The following GNG7 variants were observed in gnomAD, a reference collection of about 807,000 sequenced individuals.
GNG7 encodes the protein G protein subunit gamma 7, also known as guanine nucleotide-binding protein G(I)/G(S)/G(O) subunit gamma-7.
Under a neutral mutation model 4.0 loss-of-function variants are expected in GNG7, and 1 was observed. The ratio of observed to expected loss-of-function variants is 0.25; its 90% CI spans 0.09 to 1.18. The LOEUF (loss-of-function observed/expected upper bound fraction) is 1.18. Ranked by LOEUF, GNG7 falls within the 50% of genes most tolerant of loss-of-function variation. The pLI is 0.50. For synonymous variants in GNG7, 34 were observed against 36.9 expected, an observed-to-expected ratio of 0.92 and a Z score of 0.29; for missense variants, 86 against 91.9, an observed-to-expected ratio of 0.94 and a Z score of 0.26.
chr19:2,601,455 G>A (rs778933735), intron 2 of GNG7, among the ~76,000 whole-genome samples: 4 of 152,134 alleles, frequency 2.6e-5, no homozygotes, highest in Middle Eastern at 3.2e-3. Flanking sequence ...TGCAATATAC[G>A]TGTCTGTCTC....
Position 2,616,348 on chromosome 19 carries a change from G to A in GNG7, c.-78+29876C>T, listed in dbSNP as rs527680160. The stretch of plus-strand genomic sequence containing the variant: ...CAACCTCTGCCTCCCGTGTTCCAGC[G>A]ATTCTCCTGCCTCAGCCTCCCGAGT... On this transcript the variant is annotated intron_variant, in intron 2 of 4. Coordinates refer to ENST00000382159, the MANE Select transcript of GNG7 (RefSeq NM_052847.3). 5.6e-3 allele frequency among the ~76,000 whole-genome samples: 852 copies of A among 152,112 alleles called. 6 individuals carry two copies. Among genetic ancestry groups the A allele is most frequent in the Non-Finnish European group, 9.2e-3 (623 of 67,982 alleles).
At chr19:2,675,253 C>G (rs965569352) in intron 1 of GNG7, among the ~76,000 whole-genome samples, 4 of 152,228 alleles carry the variant, frequency 2.6e-5, no homozygotes, top group African/African-American at 7.2e-5. Context: ...AGGTCTCTCT[C>G]TGCAACGGTG....
chr19:2,564,152 C>A (rs79300980), intron 2 of GNG7, among the ~76,000 whole-genome samples: 4 of 152,138 alleles, frequency 2.6e-5, no homozygotes, highest in Non-Finnish European at 5.9e-5. Context: ...AAGCTCACGT[C>A]CTCCTGGAAG....
In GNG7 at chr19:2,609,522, G is replaced by A. The variant is rs1568261789; in HGVS notation, c.-78+36702C>T. Among the ~76,000 whole-genome samples, 1 of 152,094 alleles carries A rather than the reference G, an allele frequency of 6.6e-6. No homozygotes were observed. The highest frequency in any genetic ancestry group is 1.5e-5 in the Non-Finnish European group (1 of 68,028). On this transcript the variant is annotated intron_variant, in intron 2 of 4. Transcript: ENST00000382159. The surrounding 1 kb of genome is among the most constrained non-coding windows in gnomAD (Gnocchi z 4.4). ...GAGGACCTCAGGCTCTCTTCCGTGAGCCTTATTTTGGCCATTGCTGGAATC... is the reference window on the plus strand; with the variant it reads ...GAGGACCTCAGGCTCTCTTCCGTGAACCTTATTTTGGCCATTGCTGGAATC...
At position 2,639,052 on chromosome 19, in the gene GNG7, C is replaced by A. The variant is rs1304711948; in HGVS notation, c.-78+7172G>T. 3.9e-5 allele frequency among the ~76,000 whole-genome samples: 6 copies of A among 152,062 alleles called. No homozygotes were observed. The South Asian group carries it at 8.3e-4, about 21-fold the overall frequency. The stretch of plus-strand genomic sequence containing the variant: ...AGGGGTTCGACACCAGCCTGGCCAA[C>A]ATGGTGAAACCCCATCTCTACTAAA... On this transcript the variant is annotated intron_variant, in intron 2 of 4. Transcript: ENST00000382159.
chr19:2,616,880 T>A (rs1981738286), intron 2 of GNG7, among the ~76,000 whole-genome samples: 1 of 151,874 alleles, frequency 6.6e-6, no homozygotes, highest in African/African-American at 2.4e-5. Flanking sequence ...GGGGCCCGGG[T>A]TCTGCCCGCC....
intron 2 of GNG7, among the ~76,000 whole-genome samples, chr19:2,581,081 G>T (rs906940312): frequency 3.3e-5 from 5 of 152,042 alleles, no homozygotes; most frequent in African/African-American, 1.2e-4. Context: ...TGGTTGTTGA[G>T]GCAGAGACTG....
At chr19:2,565,773 C>G (rs1443443696) in intron 2 of GNG7, among the ~76,000 whole-genome samples, 1 of 152,168 alleles carries the variant, frequency 6.6e-6, no homozygotes, top group East Asian at 1.9e-4. Flanking sequence ...GCTGTGTGAG[C>G]CCGGCCGAGT....
intron 3 of GNG7, among the ~76,000 whole-genome samples, chr19:2,544,074 G>A (rs1316558662): frequency 1.3e-5 from 2 of 152,172 alleles, no homozygotes; most frequent in African/African-American, 2.4e-5. Flanking sequence ...AGATTTGGCA[G>A]GAGGGGAGAC....
intron 3 of GNG7, among the ~76,000 whole-genome samples, chr19:2,527,689 TG>T (rs997532743): frequency 3.3e-5 from 5 of 152,170 alleles, no homozygotes; most frequent in Non-Finnish European, 7.3e-5. Context: ...TCCCTCTGGC[TG>T]GATCCTTTTC....
rs535472208 is a variant in GNG7 at position 2,596,697 on chromosome 19, C to T, written c.-77-41509G>A. Among the ~76,000 whole-genome samples the T allele has an allele frequency of 6.8e-5, 10 of 146,912 alleles. No homozygotes were observed. The South Asian group carries it at 1.1e-3, about 16-fold the overall frequency. On this transcript the variant is annotated intron_variant, in intron 2 of 4. Transcript: ENST00000382159. ...CCCAAAAAAAAAAGTGGGCAAATATCGACCCAGTTGTTCTCCTTTCACGTT... is the reference window on the plus strand; with the variant it reads ...CCCAAAAAAAAAAGTGGGCAAATATTGACCCAGTTGTTCTCCTTTCACGTT...
intron 3 of GNG7, among the ~76,000 whole-genome samples, chr19:2,551,144 G>T (rs545628900): frequency 6.6e-6 from 1 of 152,344 alleles, no homozygotes; most frequent in African/African-American, 2.4e-5. Context: ...GCTGCCATCA[G>T]CCAGCACTTG....
intron 1 of GNG7, among the ~76,000 whole-genome samples, chr19:2,677,421 C>T (rs138750035): frequency 7.6e-4 from 116 of 152,070 alleles, no homozygotes; most frequent in African/African-American, 2.8e-3. Flanking sequence ...TGATCAGAAC[C>T]TTGCAGTGGC....
intron 3 of GNG7, among the ~76,000 whole-genome samples, chr19:2,548,522 C>G (rs915756950): frequency 6.8e-6 from 1 of 148,082 alleles, no homozygotes; most frequent in African/African-American, 2.5e-5. Context: ...GGCCCAGTGG[C>G]TCACACCTGT....
chr19:2,642,446 G>A (rs1010752178), intron 2 of GNG7: 1 of 327,682 alleles, frequency 3.1e-6, no homozygotes, highest in African/African-American at 2.2e-5. Context: ...GCCCACTGCA[G>A]CCTCGACCTC....
At chr19:2,553,019 G>C (rs780385522) in intron 3 of GNG7, among the ~76,000 whole-genome samples, 1 of 150,686 alleles carries the variant, frequency 6.6e-6, no homozygotes, top group South Asian at 2.1e-4. Flanking sequence ...AGCGATAAAC[G>C]AGACAGAGAT....
chr19:2,536,516 A>T (rs1978742573), intron 3 of GNG7, among the ~76,000 whole-genome samples: 1 of 152,240 alleles, frequency 6.6e-6, no homozygotes, highest in Non-Finnish European at 1.5e-5. Flanking sequence ...CTAAAGTGAA[A>T]GATTAAAACA....
At chr19:2,591,118 C>T (rs1450544880) in intron 2 of GNG7, among the ~76,000 whole-genome samples, 1 of 152,190 alleles carries the variant, frequency 6.6e-6, no homozygotes. Flanking sequence ...TCCTGATGCT[C>T]TCAGTAACCT....
rs574377485 is a variant in GNG7 at position 2,520,814 on chromosome 19, G to A, written c.-37-89C>T. 2.5e-4 allele frequency: 159 copies of A among 627,160 alleles called. 1 individual carries two copies. Among genetic ancestry groups the A allele is most frequent in the South Asian group, 4.2e-4 (23 of 54,364 alleles). The allele number at this position is 627,160 out of a possible 1,614,324, so 38.8% of individuals were successfully genotyped here. A position where few individuals can be genotyped will look rare whatever the true frequency, so the allele number is the denominator to read the frequency against. On this transcript the variant is annotated intron_variant, in intron 3 of 4. Coordinates refer to ENST00000382159, the MANE Select transcript of GNG7 (RefSeq NM_052847.3). Reference sequence around the variant, plus strand: ...CGCCCGGCCTTGGCTCAACCTTCCCGACTCTAGGCACGGCCACTTTGCCTC... The same window carrying A: ...CGCCCGGCCTTGGCTCAACCTTCCCAACTCTAGGCACGGCCACTTTGCCTC...
Sources: gnomAD v4.1 joint callset for allele counts (sites outside exome capture counted in the v4.1 genomes callset) on GRCh38, gnomAD v4.1.1 for gene constraint, Gnocchi (gnomAD v3.1) non-coding constraint, MANE v1.5 for transcripts, NCBI Gene and HGNC (gene_info 2026-07-23, HGNC 2026-07-21) for gene names.